The following GAP43 variants were observed in gnomAD, a reference collection of about 807,000 sequenced individuals.
GAP43 encodes growth associated protein 43.
Under a neutral mutation model 18.6 loss-of-function variants are expected in GAP43, and 6 were observed. The observed-to-expected ratio is 0.32, with a 90% CI of 0.18 to 0.64. The LOEUF (loss-of-function observed/expected upper bound fraction) is 0.64. Among genes scored for constraint, GAP43 ranks in the 30% least tolerant of loss-of-function variants. The probability of loss-of-function intolerance (pLI) is 0.78; values close to 1 mark genes in which losing one functional copy is unlikely to be tolerated. For synonymous variants in GAP43, 115 were observed against 111.4 expected (o/e 1.03, Z -0.20); for missense variants, 292 against 295.5 (o/e 0.99, Z 0.09).
rs573065730 is a variant in GAP43 at position 115,689,945 on chromosome 3, C to T, written c.628+13335C>T. ...TGTGGGAGAAGCAGGGCTGGAGGGGCGCTGAAGAGCAGGGGAAGGCACTGA... is the reference window on the plus strand; with the variant it reads ...TGTGGGAGAAGCAGGGCTGGAGGGGTGCTGAAGAGCAGGGGAAGGCACTGA... On this transcript the variant is annotated intron_variant, in intron 2 of 2. Transcript: ENST00000305124. Among the ~76,000 whole-genome samples, 13 of 152,252 alleles carry T rather than the reference C, an allele frequency of 8.5e-5. No homozygotes were observed. The South Asian group carries it at 1.5e-3, about 17-fold the overall frequency.
At chr3:115,664,985 A>T (rs989195612) in intron 1 of GAP43, among the ~76,000 whole-genome samples, 2 of 151,362 alleles carry the variant, frequency 1.3e-5, no homozygotes, top group Non-Finnish European at 2.9e-5. Flanking sequence ...TGCTCTTTTT[A>T]TTTTTTTTTA....
intron 2 of GAP43, among the ~76,000 whole-genome samples, chr3:115,693,691 G>A (rs1486635067): frequency 6.6e-6 from 1 of 151,710 alleles, no homozygotes; most frequent in Admixed American, 6.6e-5. Context: ...TAAGAAAGGG[G>A]TGGGGGAGTG....
intron 1 of GAP43, among the ~76,000 whole-genome samples, chr3:115,645,567 T>C (rs945680553): frequency 1.3e-5 from 2 of 151,758 alleles, no homozygotes; most frequent in Non-Finnish European, 2.9e-5. Flanking sequence ...AGCAAAATAC[T>C]AAAATTTCAT....
chr3:115,648,233 T>C (rs1289966520), intron 1 of GAP43, among the ~76,000 whole-genome samples: 1 of 152,092 alleles, frequency 6.6e-6, no homozygotes, highest in Non-Finnish European at 1.5e-5. Flanking sequence ...CTGCTGGCTG[T>C]ATACCTCAAC....
chr3:115,690,056 CT>C (rs1451142766), intron 2 of GAP43, among the ~76,000 whole-genome samples: 1 of 152,248 alleles, frequency 6.6e-6, no homozygotes, highest in Non-Finnish European at 1.5e-5. Flanking sequence ...GCCAATTTAC[CT>C]TCCTTGCTGG....
intron 2 of GAP43, among the ~76,000 whole-genome samples, chr3:115,696,668 TTA>T (rs1353866266): frequency 2.0e-5 from 3 of 146,704 alleles, no homozygotes; most frequent in African/African-American, 7.6e-5. Flanking sequence ...CTCTAGAAAT[TTA>T]TAGAGTTCAC....
rs564669083 is a variant in GAP43, at chr3:115,634,150, G to A, written c.30+10431G>A. 1.5e-3 allele frequency among the ~76,000 whole-genome samples: 226 copies of A among 152,056 alleles called. 1 individual carries two copies. Among genetic ancestry groups the A allele is most frequent in the Non-Finnish European group, 2.8e-3 (193 of 68,008 alleles). On this transcript the variant is annotated intron_variant, in intron 1 of 2. Transcript: ENST00000305124. Reference sequence around the variant, plus strand: ...TCCTTTCATTAATGACTAGATAAAAGAGCTAGATGAGGCAAAGAAAAAAAA... The same window carrying A: ...TCCTTTCATTAATGACTAGATAAAAAAGCTAGATGAGGCAAAGAAAAAAAA...
chr3:115,626,880 A>G (rs1379196471), intron 1 of GAP43, among the ~76,000 whole-genome samples: 3 of 152,008 alleles, frequency 2.0e-5, no homozygotes, highest in Non-Finnish European at 4.4e-5. Context: ...AGTGTTGGGA[A>G]GGTGTGGAAG....
chr3:115,702,474 C>T (rs186297920), intron 2 of GAP43, among the ~76,000 whole-genome samples: 39 of 152,080 alleles, frequency 2.6e-4, no homozygotes, highest in Middle Eastern at 6.8e-3. Context: ...AGAAATAAAT[C>T]CAGAATATAC....
At chr3:115,631,389 C>T (rs1376423532) in intron 1 of GAP43, among the ~76,000 whole-genome samples, 1 of 152,108 alleles carries the variant, frequency 6.6e-6, no homozygotes, top group Non-Finnish European at 1.5e-5. Flanking sequence ...CAAATCCTGT[C>T]TTACCTTTTC....
intron 1 of GAP43, among the ~76,000 whole-genome samples, chr3:115,647,932 GA>G: frequency 6.6e-6 from 1 of 151,750 alleles, no homozygotes; most frequent in South Asian, 2.1e-4. Flanking sequence ...ATATAGAAGA[GA>G]AAATAAAACC....
At chr3:115,678,375 AT>A (rs1708919929) in intron 2 of GAP43, among the ~76,000 whole-genome samples, 1 of 152,168 alleles carries the variant, frequency 6.6e-6, no homozygotes, top group Non-Finnish European at 1.5e-5. Context: ...GATTTTAGGT[AT>A]ATGCTTATGA....
intron 1 of GAP43, among the ~76,000 whole-genome samples, chr3:115,658,274 G>C (rs1178280570): frequency 6.6e-6 from 1 of 152,060 alleles, no homozygotes; most frequent in East Asian, 1.9e-4. Context: ...AGTAGGGCTG[G>C]TTCTGGCTTG....
intron 2 of GAP43, among the ~76,000 whole-genome samples, chr3:115,718,652 G>C (rs1709540052): frequency 6.6e-6 from 1 of 152,162 alleles, no homozygotes; most frequent in Non-Finnish European, 1.5e-5. Context: ...CTTATAGTGA[G>C]TTATGAACCC....
intron 2 of GAP43, among the ~76,000 whole-genome samples, chr3:115,695,166 T>C (rs1348317767): frequency 6.6e-6 from 1 of 152,328 alleles, no homozygotes; most frequent in East Asian, 1.9e-4. Context: ...TAAAGAATAT[T>C]AGTGCTTGGA....
intron 2 of GAP43, among the ~76,000 whole-genome samples, chr3:115,703,964 G>T (rs1559805876): frequency 6.6e-6 from 1 of 151,956 alleles, no homozygotes; most frequent in South Asian, 2.1e-4. Context: ...ATATAGTTCT[G>T]GTTGTGTTCC....
intron 1 of GAP43, among the ~76,000 whole-genome samples, chr3:115,669,711 G>A (rs73140357): frequency 0.051 from 7,783 of 152,222 alleles, 343 homozygotes; most frequent in African/African-American, 0.11. Context: ...TTTGGAAGCA[G>A]GTGGGCTGTA....
intron 1 of GAP43, among the ~76,000 whole-genome samples, chr3:115,625,870 C>T (rs1308074371): frequency 6.6e-6 from 1 of 152,112 alleles, no homozygotes; most frequent in East Asian, 1.9e-4. Flanking sequence ...AAGTGGTTTC[C>T]ACATGCCTCT....
chr3:115,699,603 T>C (rs1709271591), intron 2 of GAP43, among the ~76,000 whole-genome samples: 1 of 152,122 alleles, frequency 6.6e-6, no homozygotes, highest in Non-Finnish European at 1.5e-5. Flanking sequence ...CAACACTGAA[T>C]GGAGTTTCCT....
Sources: gnomAD v4.1 joint callset for allele counts (sites outside exome capture counted in the v4.1 genomes callset) on GRCh38, gnomAD v4.1.1 for gene constraint, MANE v1.5 for transcripts, NCBI Gene and HGNC (gene_info 2026-07-23, HGNC 2026-07-21) for gene names.